Variants in ARHGEF9 observed in about 807,000 individuals in gnomAD.
ARHGEF9 encodes Cdc42 guanine nucleotide exchange factor 9.
ARHGEF9 carries 2 observed loss-of-function variants against 41.3 expected under a neutral mutation model. The observed-to-expected ratio is 0.05, with a 90% CI of 0.02 to 0.15. The LOEUF is 0.15. Ranked by LOEUF, ARHGEF9 falls within the 10% of genes least tolerant of loss-of-function variation. The pLI is 1.00. For missense variants in ARHGEF9, 225 were observed against 424.7 expected (o/e 0.53, Z 4.13); for synonymous variants, 160 against 154.4 (o/e 1.04, Z -0.27).
At chrX:63,774,612 G>A (rs1487567384) in intron 1 of ARHGEF9, among the ~76,000 whole-genome samples, 3 of 111,153 alleles carry the variant, frequency 2.7e-5, no homozygotes, top group Non-Finnish European at 5.7e-5. Context: ...TTTATCTTAT[G>A]TTGTACCCTC....
At chrX:63,724,831 G>A (rs1156999922) in intron 1 of ARHGEF9, 120 bp from the exon 2 acceptor site, 1 of 706,530 alleles carries the variant, frequency 1.4e-6, no homozygotes, top group South Asian at 2.4e-5. Flanking sequence ...GAGAGATAGG[G>A]GTGAGGGGGA....
At position 63,724,622 on chromosome X, in the gene ARHGEF9, G is replaced by A. The variant is rs782706817; in HGVS notation, c.120C>T (p.Asp40=). The A allele has an allele frequency of 6.6e-6, 8 of 1,211,120 alleles. No homozygotes were observed. The highest frequency in any genetic ancestry group is 5.3e-5 in the South Asian group (3 of 56,935). The change falls in exon 2 of 10, where the codon GAC becomes GAT. Residue 40 remains aspartate, a synonymous_variant. Coordinates refer to ENST00000671741, the MANE Select transcript of ARHGEF9 (RefSeq NM_001353921.2). ...ANRELAFKAG[D]VIKVLDASNK... ...TGGAAGCATCCAAGACTTTGATGACGTCGCCAGCTTTAAATGCCAACTCCC... is the reference window on the plus strand; with the variant it reads ...TGGAAGCATCCAAGACTTTGATGACATCGCCAGCTTTAAATGCCAACTCCC...
chrX:63,777,131 A>G (rs1231271408), intron 1 of ARHGEF9, among the ~76,000 whole-genome samples: 7 of 112,029 alleles, frequency 6.2e-5, no homozygotes, highest in African/African-American at 1.6e-4. Context: ...AAAGAGGTGT[A>G]ATTGACTCAC....
At chrX:63,655,197 T>C (rs1556334192) in intron 8 of ARHGEF9, among the ~76,000 whole-genome samples, 1 of 112,082 alleles carries the variant, frequency 8.9e-6, no homozygotes, top group Non-Finnish European at 1.9e-5. Flanking sequence ...ACAGGTTGTA[T>C]AACTGATTTT....
At chrX:63,660,906 A>T (rs182235743) in intron 7 of ARHGEF9, among the ~76,000 whole-genome samples, 124 of 111,454 alleles carry the variant, frequency 1.1e-3, no homozygotes, top group African/African-American at 3.9e-3. Flanking sequence ...GCGAAAGGAG[A>T]TTGCCTTCTA....
chrX:63,677,135 G>A (rs1267651376), intron 5 of ARHGEF9, among the ~76,000 whole-genome samples: 13 of 111,790 alleles, frequency 1.2e-4, no homozygotes, highest in African/African-American at 3.6e-4. Flanking sequence ...GGAGAAGAAA[G>A]GAATAGCTGT....
intron 1 of ARHGEF9, among the ~76,000 whole-genome samples, chrX:63,739,261 ACC>A (rs2054804122): frequency 9.0e-6 from 1 of 111,236 alleles, no homozygotes; most frequent in Admixed American, 9.5e-5. Flanking sequence ...AGTGGCTTAA[ACC>A]GGCAGAAGGA....
intron 2 of ARHGEF9, among the ~76,000 whole-genome samples, chrX:63,720,088 G>A (rs1167961996): frequency 3.6e-5 from 4 of 111,665 alleles, no homozygotes; most frequent in Non-Finnish European, 7.5e-5. Flanking sequence ...GAGGACCATA[G>A]GCTTATATTT....
At chrX:63,694,872 C>T (rs782685506) in intron 4 of ARHGEF9, among the ~76,000 whole-genome samples, 27 of 111,647 alleles carry the variant, frequency 2.4e-4, no homozygotes, top group Admixed American at 5.7e-4. Flanking sequence ...ATTATATCTA[C>T]GTAAAGCTGA....
At chrX:63,734,148 C>T (rs373691901) in intron 1 of ARHGEF9, among the ~76,000 whole-genome samples, 5 of 111,735 alleles carry the variant, frequency 4.5e-5, no homozygotes, top group African/African-American at 1.6e-4. Context: ...CCAGCTGCTG[C>T]CTCAAAGTTC....
At chrX:63,658,257 C>T (rs1556338181) in intron 7 of ARHGEF9, among the ~76,000 whole-genome samples, 1 of 111,748 alleles carries the variant, frequency 8.9e-6, no homozygotes, top group Admixed American at 9.5e-5. Flanking sequence ...CCCTGGTCCC[C>T]CAGAGGGTTA....
chrX:63,648,003 G>A (rs1364953564), intron 8 of ARHGEF9, among the ~76,000 whole-genome samples: 2 of 111,505 alleles, frequency 1.8e-5, no homozygotes, highest in East Asian at 2.8e-4. Context: ...CAGGGAGAAC[G>A]GAACCAAGTT....
At chrX:63,681,312 A>C (rs1469472852) in intron 4 of ARHGEF9, among the ~76,000 whole-genome samples, 1 of 111,978 alleles carries the variant, frequency 8.9e-6, no homozygotes, top group Non-Finnish European at 1.9e-5. Context: ...CTTCTAAAGC[A>C]CACATGGAAT....
At chrX:63,724,233 A>G (rs2053822338) in intron 2 of ARHGEF9, among the ~76,000 whole-genome samples, 1 of 111,590 alleles carries the variant, frequency 9.0e-6, no homozygotes, top group South Asian at 3.8e-4. Context: ...TTATTCAAAA[A>G]CCACCAAGGC....
chrX:63,754,704 G>A (rs2055856954), intron 1 of ARHGEF9: 1 of 923,075 alleles, frequency 1.1e-6, no homozygotes, highest in African/African-American at 2.1e-5. Context: ...AAGTAGGGTG[G>A]TTAGAGAAGG....
intron 7 of ARHGEF9, among the ~76,000 whole-genome samples, chrX:63,658,762 A>C (rs782764469): frequency 8.9e-6 from 1 of 111,813 alleles, no homozygotes; most frequent in Admixed American, 9.5e-5. Flanking sequence ...TGTGAGTAAA[A>C]ATAAGTCAAA....
intron 8 of ARHGEF9, among the ~76,000 whole-genome samples, chrX:63,646,913 T>C (rs1293673932): frequency 5.4e-5 from 6 of 111,196 alleles, no homozygotes; most frequent in African/African-American, 2.0e-4. Flanking sequence ...CATTGAGCAG[T>C]GGTTTGTAGT....
chrX:63,660,675 TA>T (rs1377730611), intron 7 of ARHGEF9, among the ~76,000 whole-genome samples: 1 of 111,847 alleles, frequency 8.9e-6, no homozygotes, highest in Non-Finnish European at 1.9e-5. Context: ...TGCCTCTAAA[TA>T]AAAAAGTACT....
At chrX:63,642,720 G>C (rs1230003192) in intron 9 of ARHGEF9, 2 of 111,843 alleles carry the variant, frequency 1.8e-5, no homozygotes, top group Non-Finnish European at 3.8e-5. Context: ...CATTTTGGAT[G>C]GTGACTCATT....
Sources: allele counts gnomAD v4.1 joint callset (sites outside exome capture counted in the v4.1 genomes callset), GRCh38; gene constraint gnomAD v4.1.1; transcripts MANE v1.5; gene names NCBI Gene and HGNC (gene_info 2026-07-23, HGNC 2026-07-21).